ADAMTSL1: variants seen among roughly 807,000 people sequenced by gnomAD.
ADAMTSL1 encodes ADAMTS like 1.
ADAMTSL1 carries 126 observed loss-of-function variants against 201.8 expected under a neutral mutation model. That is an observed-to-expected ratio of 0.62 (90% confidence interval 0.54 to 0.72). ADAMTSL1 has a LOEUF of 0.72. Among genes scored for constraint, ADAMTSL1 ranks in the 30% least tolerant of loss-of-function variants. The pLI is 0.00. For synonymous variants in ADAMTSL1, 1,121 were observed against 903.4 expected (o/e 1.24, Z -4.32); for missense variants, 2,679 against 2,277.8 (o/e 1.18, Z -3.59).
intron 2 of ADAMTSL1, among the ~76,000 whole-genome samples, chr9:18,331,495 A>C (rs1835025082): frequency 6.6e-6 from 1 of 152,190 alleles, no homozygotes; most frequent in Non-Finnish European, 1.5e-5. Context: ...ATTAGTCCTG[A>C]ACTATGCCTT....
chr9:18,468,283 C>T (rs1479273106), intron 2 of ADAMTSL1, among the ~76,000 whole-genome samples: 3 of 152,098 alleles, frequency 2.0e-5, no homozygotes, highest in Non-Finnish European at 4.4e-5. Context: ...TCTATCCTCC[C>T]GGTTCAGTTC....
chr9:18,900,732 A>T (rs1442286070), intron 26 of ADAMTSL1, among the ~76,000 whole-genome samples: 1 of 129,086 alleles, frequency 7.7e-6, no homozygotes, highest in African/African-American at 2.9e-5. Context: ...ATGAGAACAC[A>T]TGGACACACT....
intron 20 of ADAMTSL1, among the ~76,000 whole-genome samples, chr9:18,814,715 A>T (rs1177180760): frequency 6.6e-6 from 1 of 152,126 alleles, no homozygotes; most frequent in East Asian, 1.9e-4. Context: ...GAAACAACAG[A>T]TGCTAGGGCC....
intron 1 of ADAMTSL1, among the ~76,000 whole-genome samples, chr9:18,001,026 T>C (rs1294291472): frequency 6.6e-6 from 1 of 151,926 alleles, no homozygotes; most frequent in Non-Finnish European, 1.5e-5. Flanking sequence ...TTGGGGGAAG[T>C]TAGTTTCTAA....
At chr9:18,721,485 C>T (rs1428709906) in intron 14 of ADAMTSL1, 51 bp from the exon 15 acceptor site, 2 of 1,593,138 alleles carry the variant, frequency 1.3e-6, no homozygotes, top group East Asian at 2.3e-5. Flanking sequence ...CATCACCCCC[C>T]ACACACACAC....
intron 1 of ADAMTSL1, among the ~76,000 whole-genome samples, chr9:18,125,896 G>T (rs553301795): frequency 2.6e-5 from 4 of 152,172 alleles, no homozygotes; most frequent in Non-Finnish European, 5.9e-5. Context: ...GAAAGGGCAG[G>T]GGCTCTGGAA....
At chr9:18,842,507 A>T (rs191015614) in intron 23 of ADAMTSL1, among the ~76,000 whole-genome samples, 3 of 152,294 alleles carry the variant, frequency 2.0e-5, no homozygotes, top group East Asian at 1.9e-4. Context: ...AAAAAAATGT[A>T]TACTCTGTTG....
chr9:18,341,834 C>T (rs1198338357), intron 2 of ADAMTSL1, among the ~76,000 whole-genome samples: 1 of 151,996 alleles, frequency 6.6e-6, no homozygotes, highest in East Asian at 1.9e-4. Context: ...ATGCCAGAGG[C>T]AGGTAATGGG....
intron 1 of ADAMTSL1, among the ~76,000 whole-genome samples, chr9:17,961,257 TA>T (rs1817744788): frequency 6.6e-6 from 1 of 152,066 alleles, no homozygotes. Context: ...TTATTATTAT[TA>T]TTTTTTTGAG....
At chr9:18,075,108 T>A (rs1823157188) in intron 1 of ADAMTSL1, among the ~76,000 whole-genome samples, 1 of 152,134 alleles carries the variant, frequency 6.6e-6, no homozygotes, top group Non-Finnish European at 1.5e-5. Flanking sequence ...CTCTTTCCCT[T>A]CTTTTCATCT....
chr9:18,819,503 T>C (rs1824078684), intron 21 of ADAMTSL1, among the ~76,000 whole-genome samples: 1 of 147,912 alleles, frequency 6.8e-6, no homozygotes, highest in African/African-American at 2.5e-5. Context: ...AACAAGGAAA[T>C]GGGCATTTAA....
chr9:18,117,357 C>G (rs533923376), intron 1 of ADAMTSL1, among the ~76,000 whole-genome samples: 2 of 152,278 alleles, frequency 1.3e-5, no homozygotes, highest in East Asian at 3.9e-4. Context: ...CTACCGCCTT[C>G]ACCCTCGCTT....
At chr9:18,228,251 G>T (rs988523566) in intron 2 of ADAMTSL1, among the ~76,000 whole-genome samples, 1 of 152,276 alleles carries the variant, frequency 6.6e-6, no homozygotes, top group Middle Eastern at 3.4e-3. Flanking sequence ...TTCCTGCGTG[G>T]TTTGGATAAC....
chr9:18,210,476 T>C (rs1011187945), intron 2 of ADAMTSL1, among the ~76,000 whole-genome samples: 8 of 147,196 alleles, frequency 5.4e-5, no homozygotes, highest in Non-Finnish European at 1.0e-4. Flanking sequence ...TTATATATGA[T>C]ATATAAATAA....
chr9:18,226,835 A>C (rs1160337024), intron 2 of ADAMTSL1, among the ~76,000 whole-genome samples: 1 of 152,108 alleles, frequency 6.6e-6, no homozygotes, highest in Non-Finnish European at 1.5e-5. Context: ...GAAAAAAATT[A>C]ATAATAGTAA....
At chr9:18,537,865 C>T (rs79502831) in intron 3 of ADAMTSL1, among the ~76,000 whole-genome samples, 9,852 of 136,882 alleles carry the variant, frequency 0.072, 1,079 homozygotes, top group African/African-American at 0.24. Flanking sequence ...CAGAGCAAGA[C>T]CTTGTCTCTA....
intron 2 of ADAMTSL1, among the ~76,000 whole-genome samples, chr9:18,356,527 TAAAA>T: frequency 1.3e-5 from 1 of 79,464 alleles, no homozygotes; most frequent in East Asian, 3.8e-4. Context: ...ACCCTGTCTT[TAAAA>T]AAAAAAAAAA....
At position 18,681,793 on chromosome 9, in the gene ADAMTSL1, T is replaced by C. The variant is rs1830513258; in HGVS notation, c.1342-19T>C. 1.9e-5 allele frequency: 30 copies of C among 1,587,248 alleles called. No individual in the cohort carries two copies. The highest frequency in any genetic ancestry group is 2.4e-5 in the Non-Finnish European group (28 of 1,165,378). On this transcript the variant is annotated intron_variant, in intron 11 of 28. Coordinates refer to ENST00000380548, the MANE Select transcript of ADAMTSL1 (RefSeq NM_001040272.6). ...AGGCTTTGCCTACGAGTCTCCTCTC[T>C]CTTGCAATCTCTTTCCAGTGCACAG...
chr9:17,942,926 G>A (rs1225224759), intron 1 of ADAMTSL1, among the ~76,000 whole-genome samples: 1 of 151,802 alleles, frequency 6.6e-6, no homozygotes, highest in East Asian at 1.9e-4. Flanking sequence ...TTCTTTTTTT[G>A]TTGTTTGTTT....
Sources: allele counts gnomAD v4.1 joint callset (sites outside exome capture counted in the v4.1 genomes callset), GRCh38; gene constraint gnomAD v4.1.1; transcripts MANE v1.5; gene names NCBI Gene and HGNC (gene_info 2026-07-23, HGNC 2026-07-21).